ARHGAP15: variants seen among roughly 807,000 people sequenced by gnomAD.
ARHGAP15 encodes Rho GTPase activating protein 15.
Under a neutral mutation model 63.7 loss-of-function variants are expected in ARHGAP15, and 51 were observed. The observed-to-expected ratio is 0.80, with a 90% CI of 0.64 to 1.01. The LOEUF (loss-of-function observed/expected upper bound fraction) is 1.01, where lower values mean the gene tolerates loss of function less well. ARHGAP15 is among the 50% of genes least tolerant of loss of function. The pLI is 0.00. For synonymous variants in ARHGAP15, 191 were observed against 193.8 expected, an observed-to-expected ratio of 0.99 and a Z score of 0.12; for missense variants, 560 against 564.6, an observed-to-expected ratio of 0.99 and a Z score of 0.08.
intron 12 of ARHGAP15, among the ~76,000 whole-genome samples, chr2:143,703,068 A>G (rs1349690312): frequency 1.3e-5 from 2 of 152,230 alleles, no homozygotes; most frequent in Admixed American, 1.3e-4. Context: ...AAATGTTAAG[A>G]TCAGGAAGAT....
At chr2:143,680,021 T>TAAAAAAAAAAAAAAAA (rs55927433) in intron 12 of ARHGAP15, among the ~76,000 whole-genome samples, 2 of 101,622 alleles carry the variant, frequency 2.0e-5, no homozygotes, top group African/African-American at 9.0e-5. Flanking sequence ...AGTAAATGAT[T>TAAAAAAAAAAAAAAAA]AAAAAAAAAA....
intron 12 of ARHGAP15, among the ~76,000 whole-genome samples, chr2:143,641,464 G>A (rs952566982): frequency 3.3e-5 from 5 of 152,102 alleles, no homozygotes; most frequent in African/African-American, 1.2e-4. Flanking sequence ...GGTATCACAT[G>A]AGAAAATAGC....
At chr2:143,497,897 G>T (rs1191757455) in intron 9 of ARHGAP15, among the ~76,000 whole-genome samples, 1 of 152,158 alleles carries the variant, frequency 6.6e-6, no homozygotes, top group Non-Finnish European at 1.5e-5. Context: ...TTCACATGGT[G>T]TGTATGTTGA....
chr2:143,563,392 A>G (rs780550073), intron 11 of ARHGAP15, among the ~76,000 whole-genome samples: 10 of 152,232 alleles, frequency 6.6e-5, no homozygotes, highest in African/African-American at 1.2e-4. Context: ...AAAAACAAAT[A>G]AAACTTTGGA....
chr2:143,406,032 T>C (rs1285114862), intron 6 of ARHGAP15, among the ~76,000 whole-genome samples: 1 of 151,982 alleles, frequency 6.6e-6, no homozygotes, highest in African/African-American at 2.4e-5. Context: ...GGAGTTTTCA[T>C]CTGTCAGATC....
At chr2:143,562,518 C>T (rs1231275571) in intron 11 of ARHGAP15, among the ~76,000 whole-genome samples, 9 of 152,166 alleles carry the variant, frequency 5.9e-5, no homozygotes, top group Non-Finnish European at 1.3e-4. Flanking sequence ...CTCTGTTATT[C>T]GCTTTATTCC....
At chr2:143,642,126 A>ATTTT (rs1680632102) in intron 12 of ARHGAP15, among the ~76,000 whole-genome samples, 3 of 152,144 alleles carry the variant, frequency 2.0e-5, no homozygotes, top group Non-Finnish European at 4.4e-5. Context: ...ATATGTTTGT[A>ATTTT]AATATTTATA....
At chr2:143,295,173 A>G (rs899971651) in intron 6 of ARHGAP15, among the ~76,000 whole-genome samples, 1 of 152,074 alleles carries the variant, frequency 6.6e-6, no homozygotes. Context: ...ATCTTCCATC[A>G]AAGATAGAAA....
chr2:143,718,228 T>C (rs1008457619), intron 13 of ARHGAP15, among the ~76,000 whole-genome samples: 13 of 151,968 alleles, frequency 8.6e-5, no homozygotes, highest in African/African-American at 3.1e-4. Context: ...ATAAATAATA[T>C]TTTGTCTGTA....
At chr2:143,297,530 C>T (rs1682692349) in intron 6 of ARHGAP15, among the ~76,000 whole-genome samples, 2 of 151,900 alleles carry the variant, frequency 1.3e-5, no homozygotes, top group African/African-American at 4.8e-5. Flanking sequence ...TGTGGAAAAA[C>T]ATTTTAGTCT....
At chr2:143,460,994 C>G (rs1282718148) in intron 8 of ARHGAP15, among the ~76,000 whole-genome samples, 3 of 152,028 alleles carry the variant, frequency 2.0e-5, no homozygotes, top group Non-Finnish European at 4.4e-5. Context: ...TTGCTTAGAG[C>G]ATCTAGAAGA....
intron 6 of ARHGAP15, among the ~76,000 whole-genome samples, chr2:143,318,084 C>T (rs372061744): frequency 6.6e-6 from 1 of 152,000 alleles, no homozygotes; most frequent in African/African-American, 2.4e-5. Flanking sequence ...ATGCAACCTC[C>T]GCCTCCCGGG....
intron 6 of ARHGAP15, among the ~76,000 whole-genome samples, chr2:143,351,649 T>C (rs905436800): frequency 1.3e-5 from 2 of 152,140 alleles, no homozygotes; most frequent in Non-Finnish European, 2.9e-5. Context: ...AATTTGGGCA[T>C]CTGTAATTAT....
intron 2 of ARHGAP15, among the ~76,000 whole-genome samples, chr2:143,189,328 A>G (rs1691584215): frequency 1.3e-5 from 2 of 152,122 alleles, no homozygotes; most frequent in South Asian, 4.1e-4. Context: ...TTTATTGTAC[A>G]GGGCACTTGG....
chr2:143,566,153 C>A (rs1363577497), intron 11 of ARHGAP15, among the ~76,000 whole-genome samples: 1 of 152,116 alleles, frequency 6.6e-6, no homozygotes, highest in African/African-American at 2.4e-5. Context: ...TTAACAAATG[C>A]AGGGCTAAAG....
chr2:143,622,964 A>G (rs1009046115), intron 11 of ARHGAP15, among the ~76,000 whole-genome samples: 8 of 152,134 alleles, frequency 5.3e-5, no homozygotes, highest in African/African-American at 1.7e-4. Flanking sequence ...TCCAAGGGAC[A>G]TGTGAATGCG....
intron 4 of ARHGAP15, among the ~76,000 whole-genome samples, chr2:143,225,579 C>T (rs1574116383): frequency 6.6e-6 from 1 of 152,312 alleles, no homozygotes; most frequent in Admixed American, 6.5e-5. Context: ...CCAGTCCAGC[C>T]TGGGCGACAG....
intron 8 of ARHGAP15, among the ~76,000 whole-genome samples, chr2:143,477,764 G>T (rs1691891975): frequency 6.6e-6 from 1 of 152,178 alleles, no homozygotes. Flanking sequence ...GCAATTGGAA[G>T]GAAGCATATC....
intron 13 of ARHGAP15, among the ~76,000 whole-genome samples, chr2:143,753,761 A>G (rs1446717008): frequency 6.6e-6 from 1 of 152,218 alleles, no homozygotes; most frequent in African/African-American, 2.4e-5. Context: ...ATCCAACCAT[A>G]GCATAAAACA....
Sources: gnomAD v4.1 joint callset for allele counts (sites outside exome capture counted in the v4.1 genomes callset) on GRCh38, gnomAD v4.1.1 for gene constraint, MANE v1.5 for transcripts, NCBI Gene and HGNC (gene_info 2026-07-23, HGNC 2026-07-21) for gene names.